The following PPM1L variants were observed in gnomAD, a reference collection of about 807,000 sequenced individuals.
The protein encoded by PPM1L is protein phosphatase, Mg2+/Mn2+ dependent 1L.
In PPM1L, 13 loss-of-function variants were observed where a neutral mutation model predicts 31.4. That is an observed-to-expected ratio of 0.41 (90% confidence interval 0.27 to 0.66). The LOEUF (loss-of-function observed/expected upper bound fraction) is 0.66, where lower values mean the gene tolerates loss of function less well. PPM1L is among the 30% of genes least tolerant of loss of function. PPM1L has a pLI of 0.29. For missense variants in PPM1L, 326 were observed against 453.7 expected, an observed-to-expected ratio of 0.72 and a Z score of 2.56; for synonymous variants, 184 against 175.4, an observed-to-expected ratio of 1.05 and a Z score of -0.39.
chr3:160,972,074 C>A (rs1342538302), intron 2 of PPM1L, among the ~76,000 whole-genome samples: 1 of 152,192 alleles, frequency 6.6e-6, no homozygotes, highest in Non-Finnish European at 1.5e-5. Context: ...AGACTCACCA[C>A]CACATTCTAA....
At chr3:160,778,730 A>G (rs1469651677) in intron 1 of PPM1L, among the ~76,000 whole-genome samples, 1 of 152,048 alleles carries the variant, frequency 6.6e-6, no homozygotes, top group African/African-American at 2.4e-5. Context: ...AGCATGGGGG[A>G]AAGTTGTCCA....
chr3:160,819,276 C>T (rs893857656), intron 1 of PPM1L, among the ~76,000 whole-genome samples: 2 of 151,964 alleles, frequency 1.3e-5, no homozygotes, highest in African/African-American at 4.8e-5. Context: ...AATGACATTG[C>T]CTAGCCTCAT....
intron 1 of PPM1L, among the ~76,000 whole-genome samples, chr3:160,799,394 G>A (rs555472814): frequency 3.3e-5 from 5 of 152,206 alleles, no homozygotes; most frequent in African/African-American, 1.2e-4. Context: ...CAGTCATTGA[G>A]GCAAAACCCT....
chr3:160,765,823 T>C (rs1715088484), intron 1 of PPM1L, among the ~76,000 whole-genome samples: 1 of 152,232 alleles, frequency 6.6e-6, no homozygotes, highest in Non-Finnish European at 1.5e-5. Flanking sequence ...CTTCGACTTT[T>C]TTTTTCTTTT....
At chr3:160,871,018 G>T (rs1342589943) in intron 1 of PPM1L, among the ~76,000 whole-genome samples, 10 of 152,154 alleles carry the variant, frequency 6.6e-5, no homozygotes, top group Admixed American at 4.6e-4. Context: ...TGAATCCAAA[G>T]CTGGAAGTTT....
intron 2 of PPM1L, among the ~76,000 whole-genome samples, chr3:160,964,863 G>A (rs1220630679): frequency 1.3e-5 from 2 of 151,906 alleles, no homozygotes; most frequent in African/African-American, 2.4e-5. Flanking sequence ...TAACCCATAC[G>A]TTAATTATTT....
intron 1 of PPM1L, among the ~76,000 whole-genome samples, chr3:160,905,694 A>G (rs1713732217): frequency 6.6e-6 from 1 of 152,212 alleles, no homozygotes; most frequent in Non-Finnish European, 1.5e-5. Flanking sequence ...ATCAAAATCT[A>G]CAGATTGAAA....
chr3:160,948,066 A>G (rs1378086077), intron 1 of PPM1L, among the ~76,000 whole-genome samples: 1 of 152,184 alleles, frequency 6.6e-6, no homozygotes, highest in Non-Finnish European at 1.5e-5. Context: ...CACCTAGCAC[A>G]GTGTCCAGCA....
chr3:160,988,929 C>T (rs868230788), intron 2 of PPM1L, among the ~76,000 whole-genome samples: 3 of 152,072 alleles, frequency 2.0e-5, no homozygotes, highest in South Asian at 2.1e-4. Context: ...GCTTTAACAC[C>T]CTAGTAATCA....
intron 1 of PPM1L, among the ~76,000 whole-genome samples, chr3:160,774,983 A>ATT: frequency 6.6e-6 from 1 of 152,364 alleles, no homozygotes; most frequent in East Asian, 1.9e-4. Context: ...AGGGGATACC[A>ATT]AGCTGTCTGA....
At chr3:161,053,381 C>T (rs1719329324) in intron 2 of PPM1L, among the ~76,000 whole-genome samples, 1 of 152,142 alleles carries the variant, frequency 6.6e-6, no homozygotes. Flanking sequence ...TCCTAAGACT[C>T]TCCAATGCAT....
At chr3:160,945,419 T>C (rs1715378902) in intron 1 of PPM1L, among the ~76,000 whole-genome samples, 1 of 151,792 alleles carries the variant, frequency 6.6e-6, no homozygotes, top group African/African-American at 2.4e-5. Context: ...CATAAAGAGG[T>C]CTCATCTCAT....
intron 1 of PPM1L, among the ~76,000 whole-genome samples, chr3:160,869,718 A>ATG (rs10663764): frequency 0.21 from 30,827 of 150,316 alleles, 3,403 homozygotes; most frequent in East Asian, 0.49. Context: ...GGTGCAATGT[A>ATG]TGTGTGTGTG....
chr3:160,866,988 T>A lies in PPM1L; in HGVS notation c.400-94748T>A, dbSNP rs188209026. On this transcript the variant is annotated intron_variant, in intron 1 of 3. Transcript: ENST00000498165. ...TCTTGAGTAGTTGGGACCATAGGCA[T>A]GTGCCACCACACCCAGCTAATTTTT... Among the ~76,000 whole-genome samples, 4 of 152,298 alleles carry A rather than the reference T, an allele frequency of 2.6e-5. No homozygotes were observed. In the East Asian group the frequency reaches 7.7e-4, roughly 29 times the overall value.
At chr3:161,033,051 A>T (rs1718628224) in intron 2 of PPM1L, among the ~76,000 whole-genome samples, 1 of 134,876 alleles carries the variant, frequency 7.4e-6, no homozygotes, top group Admixed American at 7.7e-5. Context: ...CAGGGAGGAG[A>T]TAGAGTATCC....
chr3:160,946,090 C>T (rs1193484473), intron 1 of PPM1L, among the ~76,000 whole-genome samples: 2 of 151,870 alleles, frequency 1.3e-5, no homozygotes, highest in Non-Finnish European at 2.9e-5. Flanking sequence ...TGTATGTAAC[C>T]CCATGTTGTT....
At chr3:160,818,970 G>A (rs1455779953) in intron 1 of PPM1L, among the ~76,000 whole-genome samples, 3 of 151,920 alleles carry the variant, frequency 2.0e-5, no homozygotes. Context: ...GCTGCCAGAA[G>A]TCTTGCCTTG....
At chr3:160,830,175 C>CT (rs1237486271) in intron 1 of PPM1L, among the ~76,000 whole-genome samples, 1 of 152,164 alleles carries the variant, frequency 6.6e-6, no homozygotes, top group East Asian at 1.9e-4. Flanking sequence ...TACCATCCTT[C>CT]TTATCATCCT....
Position 161,078,481 on chromosome 3 carries a change from A to AAATC in PPM1L, c.*9326_*9329dup, listed in dbSNP as rs1490240752. The AAATC allele has an allele frequency of 6.6e-6, 1 of 152,258 alleles. No individual in the cohort carries two copies. Among genetic ancestry groups the AAATC allele is most frequent in the East Asian group, 1.9e-4 (1 of 5,202 alleles). The allele number at this position is 152,258 out of a possible 1,614,324, so 9.4% of individuals were successfully genotyped here. A position where few individuals can be genotyped will look rare whatever the true frequency, so the allele number is the denominator to read the frequency against. Reference sequence around the variant, plus strand: ...AATCTTCAAATTGTACTTAATAAATAAATCACAGGTCAAAATGACTGTAAA... The same window carrying AAATC: ...AATCTTCAAATTGTACTTAATAAATAAATCAATCACAGGTCAAAATGACTGTAAA... On this transcript the variant is annotated 3_prime_UTR_variant, in exon 4 of 4. Coordinates refer to ENST00000498165, the MANE Select transcript of PPM1L (RefSeq NM_139245.4).
Sources: allele counts gnomAD v4.1 joint callset (sites outside exome capture counted in the v4.1 genomes callset), GRCh38; gene constraint gnomAD v4.1.1; transcripts MANE v1.5; gene names NCBI Gene and HGNC (gene_info 2026-07-23, HGNC 2026-07-21).